Variants in ZXDC observed in about 807,000 individuals in gnomAD.
The protein encoded by ZXDC is zinc finger protein ZXDC.
A neutral mutation model predicts 63.6 loss-of-function variants in ZXDC; 58 were observed. The observed-to-expected ratio is 0.91, with a 90% CI of 0.74 to 1.13. The LOEUF (loss-of-function observed/expected upper bound fraction) is 1.13. Among genes scored for constraint, ZXDC ranks in the 50% most tolerant of loss-of-function variants. The pLI is 0.00. For missense variants in ZXDC, 1,133 were observed against 1,148.9 expected, an observed-to-expected ratio of 0.99 and a Z score of 0.20; for synonymous variants, 561 against 496.1, an observed-to-expected ratio of 1.13 and a Z score of -1.74.
rs1532159 is a variant in ZXDC at position 126,462,108 on chromosome 3, T to C, written c.1554A>G (p.Thr518=). The part of the protein sequence containing the change: ...NMDLAALFSD[T]PANASGSAGG... The stretch of plus-strand genomic sequence containing the variant: ...CTGCAGAACCACTAGCATTGGCAGG[T>C]GTGTCAGAGAAGAGTGCAGCAAGAT... The change falls in exon 6 of 10, where the codon ACA becomes ACG. Residue 518 remains threonine, a synonymous_variant. Transcript: ENST00000389709. The C allele has an allele frequency of 1.9e-5, 31 of 1,613,102 alleles. No homozygotes were observed. Among genetic ancestry groups the C allele is most frequent in the Admixed American group, 3.3e-5 (2 of 59,988 alleles).
At chr3:126,471,132 G>T in intron 3 of ZXDC, 107 bp from the exon 4 acceptor site, 1 of 1,439,572 alleles carries the variant, frequency 6.9e-7, no homozygotes, top group South Asian at 1.3e-5. Context: ...TTACAAAAAT[G>T]ATCAGTACAT....
chr3:126,445,319 C>T (rs1358496406), intron 7 of ZXDC, among the ~76,000 whole-genome samples: 1 of 152,028 alleles, frequency 6.6e-6, no homozygotes, highest in Non-Finnish European at 1.5e-5. Flanking sequence ...GAGAGATGTC[C>T]ATCCATGCCC....
intron 7 of ZXDC, among the ~76,000 whole-genome samples, chr3:126,456,996 G>A (rs765337296): frequency 2.4e-4 from 37 of 152,224 alleles, no homozygotes; most frequent in Non-Finnish European, 4.6e-4. Flanking sequence ...GAAGACATCA[G>A]GCAGGCCCAC....
intron 7 of ZXDC, chr3:126,454,929 G>A: frequency 3.0e-6 from 3 of 985,412 alleles, no homozygotes; most frequent in Non-Finnish European, 3.6e-6. Context: ...GCAACACAAT[G>A]GGAAGAGTCT....
At chr3:126,454,497 C>A in intron 7 of ZXDC, 1 of 985,394 alleles carries the variant, frequency 1.0e-6, no homozygotes, top group Non-Finnish European at 1.2e-6. Context: ...CTTTATTTTA[C>A]CCTGTCTTAA....
chr3:126,471,908 G>T, intron 3 of ZXDC, 65 bp downstream of exon 3: 1 of 1,350,498 alleles, frequency 7.4e-7, no homozygotes, highest in Non-Finnish European at 1.0e-6. Context: ...TCATTCATTG[G>T]TTTCTGCTGC....
intron 1 of ZXDC, among the ~76,000 whole-genome samples, chr3:126,473,733 TAAAA>T (rs1169199537): frequency 6.6e-6 from 1 of 152,206 alleles, no homozygotes; most frequent in African/African-American, 2.4e-5. Context: ...TCTCATCCTT[TAAAA>T]ATTCTTGTTT....
intron 7 of ZXDC, among the ~76,000 whole-genome samples, chr3:126,458,218 ATTT>A (rs532263417): frequency 1.4e-5 from 2 of 145,690 alleles, no homozygotes; most frequent in African/African-American, 5.1e-5. Context: ...GATGGCTATA[ATTT>A]TTTTTAATGT....
chr3:126,438,354 C>G lies in ZXDC; in HGVS notation c.*21G>C. On this transcript the variant is annotated 3_prime_UTR_variant, in exon 10 of 10. Coordinates refer to ENST00000389709, the MANE Select transcript of ZXDC (RefSeq NM_025112.5). ...TGTGTCCTAGACCGTGGCCTTGGGC[C>G]TGCCCAGGCCGAGGCTGCCGTCACT... 2.5e-6 allele frequency: 4 copies of G among 1,601,958 alleles called. No homozygotes were observed. The highest frequency in any genetic ancestry group is 3.4e-6 in the Non-Finnish European group (4 of 1,173,276).
chr3:126,463,191 C>T (rs2107649981), intron 5 of ZXDC, among the ~76,000 whole-genome samples: 1 of 152,244 alleles, frequency 6.6e-6, no homozygotes, highest in East Asian at 1.9e-4. Flanking sequence ...GCCTCAGCTC[C>T]CCGAGTAACT....
rs1467420294 is a variant in ZXDC at position 126,451,244 on chromosome 3, CAT to C, written c.2212+8407_2212+8408del. The C allele has an allele frequency of 6.1e-6, 6 of 985,268 alleles. No individual in the cohort carries two copies. In the African/African-American group the frequency reaches 1.0e-4, roughly 17 times the overall value. The allele number at this position is 985,268 out of a possible 1,614,324, so 61.0% of individuals were successfully genotyped here. ...TCAGGAAAACACCACTTCATGCATGCATATGTGTACTACTGCTTGTTTCCAGG... is the reference window on the plus strand; with the variant it reads ...TCAGGAAAACACCACTTCATGCATGCATGTGTACTACTGCTTGTTTCCAGG... On this transcript the variant is annotated intron_variant, in intron 7 of 9. Coordinates refer to ENST00000389709, the MANE Select transcript of ZXDC (RefSeq NM_025112.5).
At chr3:126,446,214 G>A (rs984050349) in intron 7 of ZXDC, among the ~76,000 whole-genome samples, 1 of 152,214 alleles carries the variant, frequency 6.6e-6, no homozygotes, top group African/African-American at 2.4e-5. Flanking sequence ...GGAGTGGGGA[G>A]AGGAGCAGTA....
At chr3:126,464,833 GTCC>G (rs960907170) in intron 5 of ZXDC, among the ~76,000 whole-genome samples, 10 of 152,294 alleles carry the variant, frequency 6.6e-5, no homozygotes, top group African/African-American at 2.4e-4. Flanking sequence ...CACATTCCGT[GTCC>G]TCAAGACACT....
intron 1 of ZXDC, among the ~76,000 whole-genome samples, chr3:126,474,666 T>G (rs1344288473): frequency 1.3e-5 from 2 of 152,168 alleles, no homozygotes; most frequent in Non-Finnish European, 2.9e-5. Flanking sequence ...TCCGTGCCAC[T>G]CTGTGAAGAT....
chr3:126,450,564 C>T (rs746840578), intron 7 of ZXDC: 6 of 456,424 alleles, frequency 1.3e-5, no homozygotes, highest in East Asian at 7.0e-5. Context: ...TCTTCCAGAA[C>T]GAGGAATAAA....
intron 4 of ZXDC, among the ~76,000 whole-genome samples, chr3:126,470,040 A>G (rs948098654): frequency 7.2e-5 from 11 of 152,196 alleles, no homozygotes; most frequent in African/African-American, 2.7e-4. Context: ...GTCCTGGCTC[A>G]CTGCCTCCCA....
intron 4 of ZXDC, among the ~76,000 whole-genome samples, chr3:126,467,880 C>T (rs1934835663): frequency 1.3e-5 from 2 of 152,168 alleles, no homozygotes; most frequent in African/African-American, 4.8e-5. Flanking sequence ...GGCAGGGCCA[C>T]GCTACAACAG....
In ZXDC at chr3:126,441,762, C is replaced by CA; in HGVS notation, c.2394+2dup. 1 of 1,590,530 alleles carries CA rather than the reference C, an allele frequency of 6.3e-7. No homozygotes were observed. Among genetic ancestry groups the CA allele is most frequent in the Non-Finnish European group, 8.5e-7 (1 of 1,171,070 alleles). On this transcript the variant is annotated splice_region_variant and intron_variant, in intron 8 of 9. Coordinates refer to ENST00000389709, the MANE Select transcript of ZXDC (RefSeq NM_025112.5). ...CTGGCCTGTGTGACTGGCCAGCTCT[C>CA]ACCTGCACCAGCTGGACCTGGACGC...
chr3:126,474,926 G>T (rs1443453645), intron 1 of ZXDC, 33 bp downstream of exon 1: 5 of 1,531,880 alleles, frequency 3.3e-6, no homozygotes. Flanking sequence ...CTGCAACACC[G>T]CGCAGCCCGC....
Sources: gnomAD v4.1 joint callset for allele counts (sites outside exome capture counted in the v4.1 genomes callset) on GRCh38, gnomAD v4.1.1 for gene constraint, MANE v1.5 for transcripts, NCBI Gene and HGNC (gene_info 2026-07-23, HGNC 2026-07-21) for gene names.